The following GPC5 variants were observed in gnomAD, a reference collection of about 807,000 sequenced individuals.
The protein encoded by GPC5 is glypican-5.
In GPC5, 47 loss-of-function variants were observed where a neutral mutation model predicts 53.9. That is an observed-to-expected ratio of 0.87 (90% CI 0.69 to 1.11). The LOEUF is 1.11. Ranked by LOEUF, GPC5 falls within the 50% of genes most tolerant of loss-of-function variation. The pLI, the probability that GPC5 is intolerant of heterozygous loss-of-function variation, is 0.00. For synonymous variants in GPC5, 286 were observed against 263.3 expected, an observed-to-expected ratio of 1.09 and a Z score of -0.84; for missense variants, 748 against 713.1, an observed-to-expected ratio of 1.05 and a Z score of -0.56.
chr13:92,093,438 A>G (rs778981470), intron 6 of GPC5, among the ~76,000 whole-genome samples: 1 of 152,194 alleles, frequency 6.6e-6, no homozygotes, highest in Non-Finnish European at 1.5e-5. Context: ...ATCTACATGT[A>G]TATAAAAATA....
chr13:91,597,372 T>C (rs983041942), intron 2 of GPC5, among the ~76,000 whole-genome samples: 1 of 152,192 alleles, frequency 6.6e-6, no homozygotes, highest in Non-Finnish European at 1.5e-5. Context: ...AACTTACTTG[T>C]AATTTGCAAA....
chr13:92,866,053 C>A (rs985203854), intron 7 of GPC5, among the ~76,000 whole-genome samples: 2 of 152,068 alleles, frequency 1.3e-5, no homozygotes, highest in African/African-American at 4.8e-5. Flanking sequence ...AGCTAAAAAT[C>A]TTTTCACTTT....
intron 3 of GPC5, among the ~76,000 whole-genome samples, chr13:91,716,651 A>G (rs1212860254): frequency 1.3e-5 from 2 of 152,204 alleles, no homozygotes; most frequent in African/African-American, 4.8e-5. Context: ...TTGAAACTCC[A>G]GTCAGCAGTC....
chr13:92,595,972 C>CTAGT (rs200139305), intron 7 of GPC5, among the ~76,000 whole-genome samples: 3,781 of 152,190 alleles, frequency 0.025, 72 homozygotes, highest in Non-Finnish European at 0.036. Flanking sequence ...TTTATTTCAT[C>CTAGT]TAGTTCACTT....
At chr13:92,493,775 G>C (rs895289855) in intron 7 of GPC5, among the ~76,000 whole-genome samples, 3 of 152,116 alleles carry the variant, frequency 2.0e-5, no homozygotes, top group Non-Finnish European at 4.4e-5. Flanking sequence ...CAGACGTAGC[G>C]CTAGCAATTC....
At chr13:92,166,940 TCTCTCTCTCTCTCTCTCACACACACACA>T (rs1457975979) in intron 7 of GPC5, among the ~76,000 whole-genome samples, 43 of 108,604 alleles carry the variant, frequency 4.0e-4, no homozygotes, top group African/African-American at 1.3e-3. Flanking sequence ...TCTCTCTCTC[TCTCTCTCTCTCTCTCTCACACACACACA>T]CACACACACA....
chr13:92,247,248 G>A (rs1225518461), intron 7 of GPC5, among the ~76,000 whole-genome samples: 2 of 152,114 alleles, frequency 1.3e-5, no homozygotes, highest in African/African-American at 4.8e-5. Flanking sequence ...ATATATGTAT[G>A]TGTATAAGTG....
chr13:92,562,258 T>C (rs1882723333), intron 7 of GPC5, among the ~76,000 whole-genome samples: 1 of 152,202 alleles, frequency 6.6e-6, no homozygotes, highest in Non-Finnish European at 1.5e-5. Flanking sequence ...CTGTGCATTT[T>C]TCGCCCAGGC....
intron 5 of GPC5, among the ~76,000 whole-genome samples, chr13:91,766,980 T>C (rs893888542): frequency 6.6e-5 from 10 of 152,244 alleles, no homozygotes; most frequent in Non-Finnish European, 1.5e-4. Context: ...AATCATGTTA[T>C]TGTTAAATAA....
chr13:92,618,069 C>A (rs1013287749), intron 7 of GPC5, among the ~76,000 whole-genome samples: 4 of 152,118 alleles, frequency 2.6e-5, no homozygotes, highest in African/African-American at 4.8e-5. Context: ...AAAAACTTGT[C>A]ATGCAAATGG....
chr13:91,497,411 TG>T lies in GPC5; in HGVS notation c.325+48491del, dbSNP rs367822289. On this transcript the variant is annotated intron_variant, in intron 2 of 7. Transcript: ENST00000377067. The stretch of plus-strand genomic sequence containing the variant: ...AATTCCTGTACTGTTCTCTAAATAA[TG>T]GCTCATTATTTTTCTACTTGTTGTA... Among the ~76,000 whole-genome samples the T allele has an allele frequency of 8.3e-3, 1,270 of 152,322 alleles. 20 individuals are homozygous for T. The highest frequency in any genetic ancestry group is 0.029 in the African/African-American group (1,220 of 41,576).
chr13:92,196,809 G>A (rs200122228), intron 7 of GPC5, among the ~76,000 whole-genome samples: 13 of 57,542 alleles, frequency 2.3e-4, no homozygotes, highest in East Asian at 5.7e-3. Context: ...ATAAACAGGC[G>A]CAGACAGAAG....
At chr13:92,820,352 C>G (rs1249698531) in intron 7 of GPC5, among the ~76,000 whole-genome samples, 2 of 152,152 alleles carry the variant, frequency 1.3e-5, no homozygotes, top group African/African-American at 4.8e-5. Context: ...AGAAATATGT[C>G]TCAAACCTTT....
intron 7 of GPC5, among the ~76,000 whole-genome samples, chr13:92,539,801 A>G (rs1175454558): frequency 6.6e-6 from 1 of 151,936 alleles, no homozygotes; most frequent in Non-Finnish European, 1.5e-5. Flanking sequence ...TGTCTTCTAT[A>G]TCATTTTCCC....
intron 5 of GPC5, among the ~76,000 whole-genome samples, chr13:91,769,626 G>A (rs1218273660): frequency 6.6e-6 from 1 of 152,204 alleles, no homozygotes; most frequent in African/African-American, 2.4e-5. Flanking sequence ...GTGTGGCTCA[G>A]GGTGATGCAG....
intron 7 of GPC5, among the ~76,000 whole-genome samples, chr13:92,578,156 G>A (rs1883248081): frequency 6.6e-6 from 1 of 152,156 alleles, no homozygotes; most frequent in Non-Finnish European, 1.5e-5. Context: ...ATTTTCTGTT[G>A]TGAATGGTGC....
chr13:91,574,441 G>A (rs1046361037), intron 2 of GPC5, among the ~76,000 whole-genome samples: 1 of 152,064 alleles, frequency 6.6e-6, no homozygotes, highest in African/African-American at 2.4e-5. Flanking sequence ...AGAAATCCTG[G>A]AGACACAGTT....
At chr13:92,711,297 A>G (rs1158037716) in intron 7 of GPC5, among the ~76,000 whole-genome samples, 1 of 152,214 alleles carries the variant, frequency 6.6e-6, no homozygotes, top group Non-Finnish European at 1.5e-5. Context: ...ACTTTGAATT[A>G]ACATGAATGA....
intron 6 of GPC5, among the ~76,000 whole-genome samples, chr13:92,032,140 G>C (rs555212562): frequency 6.8e-6 from 1 of 147,210 alleles, no homozygotes; most frequent in Non-Finnish European, 1.5e-5. Flanking sequence ...CAGCAACCTG[G>C]ATGGAACTGG....
Sources: allele counts gnomAD v4.1 joint callset (sites outside exome capture counted in the v4.1 genomes callset), GRCh38; gene constraint gnomAD v4.1.1; transcripts MANE v1.5; gene names NCBI Gene and HGNC (gene_info 2026-07-23, HGNC 2026-07-21).